Variants in ZFHX3 observed in about 807,000 individuals in gnomAD.
ZFHX3 encodes the protein zinc finger homeobox protein 3.
Under a neutral mutation model 279.1 loss-of-function variants are expected in ZFHX3, and 42 were observed. The observed-to-expected ratio is 0.15, with a 90% confidence interval of 0.12 to 0.19. The LOEUF is 0.19. ZFHX3 is among the 10% of genes least tolerant of loss of function. ZFHX3 has a pLI of 1.00. For missense variants in ZFHX3, 4,981 were observed against 4,754.0 expected (o/e 1.05, Z -1.40); for synonymous variants, 2,293 against 1,957.8 (o/e 1.17, Z -4.52).
intron 1 of ZFHX3, among the ~76,000 whole-genome samples, chr16:73,852,751 C>A (rs1961621875): frequency 6.6e-6 from 1 of 152,206 alleles, no homozygotes; most frequent in African/African-American, 2.4e-5. Flanking sequence ...AAAGTTTCAT[C>A]TCCATGTGAT....
At chr16:73,251,899 GCA>G (rs111248287) in intron 5 of ZFHX3, among the ~76,000 whole-genome samples, 3,148 of 66,438 alleles carry the variant, frequency 0.047, 66 homozygotes, top group Middle Eastern at 0.21. Context: ...CACACACCAT[GCA>G]CACACACACA....
At chr16:73,681,920 A>G (rs1300341339) in intron 1 of ZFHX3, among the ~76,000 whole-genome samples, 2 of 152,240 alleles carry the variant, frequency 1.3e-5, no homozygotes, top group Non-Finnish European at 2.9e-5. Context: ...TCCAATAAAT[A>G]CGATTCCCCA....
chr16:73,225,378 G>A (rs1199395023), intron 5 of ZFHX3, among the ~76,000 whole-genome samples: 2 of 152,096 alleles, frequency 1.3e-5, no homozygotes, highest in African/African-American at 4.8e-5. Context: ...CACCTTGTGA[G>A]GCCGAGGTGA....
At chr16:73,867,397 A>AT (rs371730806) in intron 1 of ZFHX3, among the ~76,000 whole-genome samples, 152 of 152,252 alleles carry the variant, frequency 1.0e-3, no homozygotes, top group African/African-American at 3.2e-3. Flanking sequence ...TAGCTTAGTA[A>AT]GGTGGATTGC....
intron 1 of ZFHX3, among the ~76,000 whole-genome samples, chr16:73,688,583 C>G (rs1253227026): frequency 6.6e-6 from 1 of 152,104 alleles, no homozygotes; most frequent in Non-Finnish European, 1.5e-5. Context: ...GACACTGCAT[C>G]TGCTGGTGCC....
intron 2 of ZFHX3, among the ~76,000 whole-genome samples, chr16:73,501,319 G>C (rs2019235606): frequency 6.6e-6 from 1 of 152,202 alleles, no homozygotes; most frequent in Non-Finnish European, 1.5e-5. Context: ...TCACTGTTAA[G>C]TGATACATGG....
chr16:73,751,515 GTATATGTGTT>G (rs2053761938), intron 1 of ZFHX3, among the ~76,000 whole-genome samples: 1 of 139,608 alleles, frequency 7.2e-6, no homozygotes, highest in Non-Finnish European at 1.6e-5. Flanking sequence ...GGTTATATGT[GTATATGTGTT>G]TATGTGTGTG....
chr16:72,838,104 T>C (rs983841337), intron 4 of ZFHX3, among the ~76,000 whole-genome samples: 40 of 152,218 alleles, frequency 2.6e-4, no homozygotes, highest in African/African-American at 9.6e-4. Flanking sequence ...ACTGAAGGAA[T>C]TCAGCCTCCT....
At position 73,666,038 on chromosome 16, in the gene ZFHX3, G is replaced by T. The variant is rs562060464; in HGVS notation, c.-1547+14142C>A. Among the ~76,000 whole-genome samples, 3 of 151,238 alleles carry T rather than the reference G, an allele frequency of 2.0e-5. 1 individual carries two copies. Among genetic ancestry groups the T allele is most frequent in the African/African-American group, 7.3e-5 (3 of 40,900 alleles). On this transcript the variant is annotated intron_variant, in intron 2 of 17. Transcript: ENST00000641206. Reference sequence around the variant, plus strand: ...TCACCGTGTTAGCCAGTATGGTCTCGATCTCCTGACCTTGCGATCCACCCA... The same window carrying T: ...TCACCGTGTTAGCCAGTATGGTCTCTATCTCCTGACCTTGCGATCCACCCA...
chr16:73,486,973 A>G lies in ZFHX3; in HGVS notation c.-1546-30715T>C, dbSNP rs74028678. ...CTGGGTATTTATATCTTAGGTATAT[A>G]TGTGTTATGGCATAAAACCTGCTTG... On this transcript the variant is annotated intron_variant, in intron 2 of 17. Transcript: ENST00000641206. The G allele has an allele frequency of 5.5e-3, 2,204 of 402,400 alleles. 32 individuals are homozygous for G. Among genetic ancestry groups the G allele is most frequent in the African/African-American group, 0.039 (1,857 of 48,036 alleles). The allele number at this position is 402,400 out of a possible 1,614,324, so 24.9% of individuals were successfully genotyped here. A position where few individuals can be genotyped will look rare whatever the true frequency, so the allele number is the denominator to read the frequency against.
intron 1 of ZFHX3, among the ~76,000 whole-genome samples, chr16:72,985,767 G>T (rs1178196941): frequency 6.6e-6 from 1 of 152,028 alleles, no homozygotes; most frequent in Non-Finnish European, 1.5e-5. Flanking sequence ...CACTTGCTTG[G>T]GCTGTGACCA....
rs145967942 is a variant in ZFHX3 at position 72,908,301 on chromosome 16, T to C, written c.3217-18339A>G. Among the ~76,000 whole-genome samples, 150 of 152,258 alleles carry C rather than the reference T, an allele frequency of 9.9e-4. 2 individuals are homozygous for C. Among genetic ancestry groups the C allele is most frequent in the African/African-American group, 3.4e-3 (142 of 41,562 alleles). On this transcript the variant is annotated intron_variant, in intron 3 of 9. Coordinates refer to ENST00000268489, the MANE Select transcript of ZFHX3 (RefSeq NM_006885.4). ...GGAGGACTGACGCTGAGCTTTCTCT[T>C]CCATTGTAAAAGGAGGAATAGGGCC...
Position 72,994,468 on chromosome 16 carries a change from T to C in ZFHX3, c.-49-34274A>G, listed in dbSNP as rs1161975187. 1.1e-4 allele frequency among the ~76,000 whole-genome samples: 16 copies of C among 152,212 alleles called. No individual in the cohort carries two copies. The East Asian group carries it at 2.3e-3, about 22-fold the overall frequency. On this transcript the variant is annotated intron_variant, in intron 1 of 9. Coordinates refer to ENST00000268489, the MANE Select transcript of ZFHX3 (RefSeq NM_006885.4). ...TGGACCAGCTGAAATTGAGTCCATA[T>C]TGAGTACCAATGGGACTTAGAGTGC...
chr16:73,521,928 A>G (rs1222480026), intron 2 of ZFHX3, among the ~76,000 whole-genome samples: 1 of 152,138 alleles, frequency 6.6e-6, no homozygotes, highest in Admixed American at 6.5e-5. Flanking sequence ...TTATTTTCCC[A>G]TAATAAGAAA....
Position 72,959,820 on chromosome 16 carries a change from C to T in ZFHX3, c.326G>A (p.Arg109Lys), listed in dbSNP as rs769320815. The part of the protein sequence containing the change: ...CPSARPPPPL[R>K]EESASDTGEE... Reference sequence around the variant, plus strand: ...ACCGGTGTCGCTGGCGCTCTCCTCTCTCAGGGGTGGCGGGGGGCGCGCGCT... The same window carrying T: ...ACCGGTGTCGCTGGCGCTCTCCTCTTTCAGGGGTGGCGGGGGGCGCGCGCT... The change falls in exon 2 of 10, where the codon AGA becomes AAA. Residue 109 changes from arginine (R) to lysine (K), a missense_variant. By Grantham distance (26) the Arg-to-Lys change is conservative. Coordinates refer to ENST00000268489, the MANE Select transcript of ZFHX3 (RefSeq NM_006885.4). 15 of 1,595,096 alleles carry T rather than the reference C, an allele frequency of 9.4e-6. No individual in the cohort carries two copies. The highest frequency in any genetic ancestry group is 1.2e-5 in the Non-Finnish European group (14 of 1,168,722).
chr16:73,739,385 A>T (rs1442105497), intron 1 of ZFHX3, among the ~76,000 whole-genome samples: 1 of 152,166 alleles, frequency 6.6e-6, no homozygotes, highest in Non-Finnish European at 1.5e-5. Context: ...CCTGTGCATT[A>T]CGAGTTATTT....
chr16:73,085,138 A>G (rs1965996705), intron 8 of ZFHX3, among the ~76,000 whole-genome samples: 1 of 152,250 alleles, frequency 6.6e-6, no homozygotes, highest in Non-Finnish European at 1.5e-5. Flanking sequence ...ACTTCAAAAT[A>G]TACTACAAAG....
At chr16:72,803,456 G>T (rs2036172052) in intron 7 of ZFHX3, among the ~76,000 whole-genome samples, 1 of 152,082 alleles carries the variant, frequency 6.6e-6, no homozygotes, top group African/African-American at 2.4e-5. Context: ...CATAACCAGG[G>T]TCATGCCAAG....
chr16:73,306,395 C>G (rs1406860472), intron 4 of ZFHX3, among the ~76,000 whole-genome samples: 1 of 152,222 alleles, frequency 6.6e-6, no homozygotes, highest in African/African-American at 2.4e-5. Context: ...TCTCGGCTCA[C>G]TGTAACATCC....
Sources: gnomAD v4.1 joint callset for allele counts (sites outside exome capture counted in the v4.1 genomes callset) on GRCh38, gnomAD v4.1.1 for gene constraint, MANE v1.5 for transcripts, NCBI Gene and HGNC (gene_info 2026-07-23, HGNC 2026-07-21) for gene names.